Variants in STX8 observed in about 807,000 individuals in gnomAD.
STX8 encodes the protein syntaxin 8.
STX8 carries 23 observed loss-of-function variants against 37.5 expected under a neutral mutation model. That is an observed-to-expected ratio of 0.61 (90% CI 0.44 to 0.87). The LOEUF is 0.87. STX8 is among the 40% of genes least tolerant of loss of function. The pLI is 0.00. For missense variants in STX8, 313 were observed against 284.7 expected (o/e 1.10, Z -0.71); for synonymous variants, 115 against 99.1 (o/e 1.16, Z -0.95).
intron 2 of STX8, among the ~76,000 whole-genome samples, chr17:9,560,376 C>T (rs1327218641): frequency 6.3e-5 from 7 of 111,850 alleles, no homozygotes; most frequent in East Asian, 3.2e-4. Context: ...CCAGCCTGGG[C>T]GACAGAGCAA....
chr17:9,295,440 A>G (rs1908480224), intron 7 of STX8, among the ~76,000 whole-genome samples: 1 of 152,212 alleles, frequency 6.6e-6, no homozygotes, highest in Non-Finnish European at 1.5e-5. Flanking sequence ...AATCTAGGAT[A>G]TTATCTTGAA....
At chr17:9,388,886 T>C (rs890491081) in intron 6 of STX8, among the ~76,000 whole-genome samples, 1 of 152,154 alleles carries the variant, frequency 6.6e-6, no homozygotes, top group Non-Finnish European at 1.5e-5. Flanking sequence ...TGATATCATT[T>C]GTATTTTTTC....
At chr17:9,494,295 G>A (rs1192514722) in intron 5 of STX8, among the ~76,000 whole-genome samples, 2 of 151,430 alleles carry the variant, frequency 1.3e-5, no homozygotes, top group East Asian at 4.0e-4. Flanking sequence ...GATTACAGGC[G>A]TGAGCCACCG....
At chr17:9,369,269 A>T (rs1911328575) in intron 7 of STX8, among the ~76,000 whole-genome samples, 1 of 152,226 alleles carries the variant, frequency 6.6e-6, no homozygotes, top group Admixed American at 6.5e-5. Flanking sequence ...TGAATTAAGG[A>T]TGACACAGCG....
chr17:9,324,178 T>G lies in STX8; in HGVS notation c.643+54374A>C, dbSNP rs143317319. 1.8e-4 allele frequency among the ~76,000 whole-genome samples: 27 copies of G among 151,778 alleles called. No individual in the cohort carries two copies. The East Asian group carries it at 5.2e-3, about 29-fold the overall frequency. Reference sequence around the variant, plus strand: ...CACAAACACAAACACACACTCCAGTTGTACGTGTATGTACAAGAAAGTCTG... The same window carrying G: ...CACAAACACAAACACACACTCCAGTGGTACGTGTATGTACAAGAAAGTCTG... On this transcript the variant is annotated intron_variant, in intron 7 of 7. Coordinates refer to ENST00000306357, the MANE Select transcript of STX8 (RefSeq NM_004853.3).
At chr17:9,421,512 C>T (rs966521662) in intron 6 of STX8, among the ~76,000 whole-genome samples, 2 of 149,188 alleles carry the variant, frequency 1.3e-5, no homozygotes, top group Non-Finnish European at 3.0e-5. Context: ...TACAGCCATG[C>T]TTATGCCTTT....
chr17:9,253,207 G>GT (rs1555582915), intron 7 of STX8, among the ~76,000 whole-genome samples: 21 of 141,026 alleles, frequency 1.5e-4, no homozygotes, highest in African/African-American at 5.0e-4. Context: ...CAGGGGTAGG[G>GT]GTGTGTGTGT....
chr17:9,407,201 CTT>C (rs952428919), intron 6 of STX8, among the ~76,000 whole-genome samples: 2 of 152,094 alleles, frequency 1.3e-5, no homozygotes, highest in Non-Finnish European at 2.9e-5. Context: ...ATATATGTGA[CTT>C]TTAAAATAGA....
At chr17:9,451,027 A>G (rs1905024774) in intron 6 of STX8, among the ~76,000 whole-genome samples, 1 of 152,154 alleles carries the variant, frequency 6.6e-6, no homozygotes. Flanking sequence ...CCTTACTTAT[A>G]TCACTTCCTC....
chr17:9,504,039 C>G (rs1000598765), intron 5 of STX8, among the ~76,000 whole-genome samples: 5 of 152,172 alleles, frequency 3.3e-5, no homozygotes, highest in African/African-American at 1.2e-4. Flanking sequence ...GCTGGGATTA[C>G]AGGCGTGAGC....
At chr17:9,358,663 C>T (rs915235685) in intron 7 of STX8, among the ~76,000 whole-genome samples, 12 of 152,150 alleles carry the variant, frequency 7.9e-5, no homozygotes, top group Admixed American at 1.3e-4. Context: ...ACAAAAGAAA[C>T]CGGAGGATGG....
intron 6 of STX8, among the ~76,000 whole-genome samples, chr17:9,489,687 T>A (rs1244045859): frequency 3.3e-5 from 3 of 90,640 alleles, no homozygotes; most frequent in African/African-American, 1.2e-4. Flanking sequence ...TAAAGCTTAC[T>A]TTCCTTTTTT....
At chr17:9,506,770 A>C (rs1198787348) in intron 4 of STX8, among the ~76,000 whole-genome samples, 1 of 152,028 alleles carries the variant, frequency 6.6e-6, no homozygotes, top group African/African-American at 2.4e-5. Flanking sequence ...GTACAGTTGC[A>C]CTGCCCCAGA....
intron 2 of STX8, among the ~76,000 whole-genome samples, chr17:9,567,084 AAG>A (rs1365081622): frequency 1.3e-5 from 2 of 152,190 alleles, no homozygotes; most frequent in Non-Finnish European, 2.9e-5. Flanking sequence ...CTGTTGATAT[AAG>A]AGAGAGCTAA....
chr17:9,393,139 C>T (rs1912283935), intron 6 of STX8, among the ~76,000 whole-genome samples: 1 of 151,984 alleles, frequency 6.6e-6, no homozygotes, highest in African/African-American at 2.4e-5. Flanking sequence ...TATAGGGGAA[C>T]AAAAATTTCA....
intron 7 of STX8, among the ~76,000 whole-genome samples, chr17:9,324,124 TCTCACACA>T (rs748180289): frequency 0.019 from 2,576 of 134,190 alleles, 60 homozygotes; most frequent in African/African-American, 0.061. Flanking sequence ...TCTCTCTCTC[TCTCACACA>T]CACACACACA....
intron 7 of STX8, among the ~76,000 whole-genome samples, chr17:9,375,981 G>C (rs945238271): frequency 6.6e-6 from 1 of 152,172 alleles, no homozygotes; most frequent in Non-Finnish European, 1.5e-5. Flanking sequence ...CGTATGGAAA[G>C]CTGGGGGAGG....
At chr17:9,340,778 G>A (rs371197474) in intron 7 of STX8, among the ~76,000 whole-genome samples, 7 of 149,418 alleles carry the variant, frequency 4.7e-5, no homozygotes, top group South Asian at 2.1e-4. Context: ...CTGCCTCAGC[G>A]TCCTGAGTAG....
Position 9,375,063 on chromosome 17 carries a change from CAAAAAA to C in STX8, c.643+3483_643+3488del, listed in dbSNP as rs58594029. ...AGGGTGACAGAGTGAGACTCTGTCT[CAAAAAA>C]AAAAAAAAAAAAAAAAAGAAGAATT... On this transcript the variant is annotated intron_variant, in intron 7 of 7. Transcript: ENST00000306357. Among the ~76,000 whole-genome samples the C allele has an allele frequency of 8.3e-3, 540 of 65,446 alleles. 2 individuals carry two copies. The highest frequency in any genetic ancestry group is 0.026 in the African/African-American group (515 of 19,918). 42.9% of individuals were successfully genotyped at this position (65,446 alleles called of 152,430 possible).
Sources: gnomAD v4.1 joint callset for allele counts (sites outside exome capture counted in the v4.1 genomes callset) on GRCh38, gnomAD v4.1.1 for gene constraint, MANE v1.5 for transcripts, NCBI Gene and HGNC (gene_info 2026-07-23, HGNC 2026-07-21) for gene names.